Variants in SUGCT observed in about 807,000 individuals in gnomAD.
The protein encoded by SUGCT is succinyl-CoA:glutarate CoA-transferase.
SUGCT carries 41 observed loss-of-function variants against 55.0 expected under a neutral mutation model. The ratio of observed to expected loss-of-function variants is 0.74; its 90% CI spans 0.58 to 0.97. SUGCT has a LOEUF of 0.97. Ranked by LOEUF, SUGCT falls within the 50% of genes least tolerant of loss-of-function variation. The pLI is 0.00. For synonymous variants in SUGCT, 187 were observed against 200.4 expected (o/e 0.93, Z 0.56); for missense variants, 568 against 547.8 (o/e 1.04, Z -0.37).
At chr7:40,217,014 C>A (rs577983832) in intron 6 of SUGCT, among the ~76,000 whole-genome samples, 1 of 152,122 alleles carries the variant, frequency 6.6e-6, no homozygotes, top group East Asian at 1.9e-4. Context: ...GCATTTCCCC[C>A]CCCTCAGTCT....
At chr7:40,921,973 C>T in the SUGCT span, among the ~76,000 whole-genome samples, 4 of 152,064 alleles carry the variant, frequency 2.6e-5, no homozygotes, top group South Asian at 2.1e-4. Context: ...GAATATAAAT[C>T]GTAGTGAAGT....
rs768795067 is a variant in SUGCT at position 40,830,363 on chromosome 7, CT to C, written c.1154-29952del. ...AACAGACCATTGGTCCTGCCCTCCCCTGTCCATGCCCCGTGCCCATACTTTT... is the reference window on the plus strand; with the variant it reads ...AACAGACCATTGGTCCTGCCCTCCCCGTCCATGCCCCGTGCCCATACTTTT... On this transcript the variant is annotated intron_variant, in intron 13 of 13. Coordinates refer to ENST00000335693, the MANE Select transcript of SUGCT (RefSeq NM_001193313.2). Among the ~76,000 whole-genome samples, 188 of 152,342 alleles carry C rather than the reference CT, an allele frequency of 1.2e-3. 1 individual carries two copies. Among genetic ancestry groups the C allele is most frequent in the Middle Eastern group, 3.4e-3 (1 of 294 alleles).
chr7:40,873,067 C>A, the SUGCT span, among the ~76,000 whole-genome samples: 3 of 152,158 alleles, frequency 2.0e-5, no homozygotes, highest in Admixed American at 6.5e-5. Context: ...ACCTGCGGAT[C>A]TAGAAGTCAT....
intron 13 of SUGCT, among the ~76,000 whole-genome samples, chr7:40,845,868 C>A (rs1027788006): frequency 6.6e-6 from 1 of 152,176 alleles, no homozygotes; most frequent in Admixed American, 6.5e-5. Flanking sequence ...AAGACTAATT[C>A]TTTTACTATA....
At chr7:40,534,798 A>G (rs1343363296) in intron 12 of SUGCT, among the ~76,000 whole-genome samples, 1 of 152,214 alleles carries the variant, frequency 6.6e-6, no homozygotes, top group African/African-American at 2.4e-5. Context: ...TACTTATGCC[A>G]TTATAATGGT....
At chr7:40,535,833 G>A (rs1794333045) in intron 12 of SUGCT, among the ~76,000 whole-genome samples, 2 of 152,064 alleles carry the variant, frequency 1.3e-5, no homozygotes, top group Admixed American at 6.5e-5. Flanking sequence ...CACTGCATCT[G>A]GCCTTTTGAC....
At chr7:40,504,805 T>C (rs1792497579) in intron 12 of SUGCT, among the ~76,000 whole-genome samples, 1 of 152,192 alleles carries the variant, frequency 6.6e-6, no homozygotes, top group South Asian at 2.1e-4. Context: ...TCAATTAATC[T>C]TGCTCAAAAT....
chr7:40,216,624 G>A (rs1367046309), intron 6 of SUGCT, among the ~76,000 whole-genome samples: 1 of 151,796 alleles, frequency 6.6e-6, no homozygotes. Flanking sequence ...AGCCAAGGTG[G>A]GTGGATCACC....
intron 8 of SUGCT, among the ~76,000 whole-genome samples, chr7:40,293,681 T>G (rs578170519): frequency 1.3e-5 from 2 of 152,314 alleles, no homozygotes; most frequent in South Asian, 4.1e-4. Flanking sequence ...GGTTACAATT[T>G]AAAAAGAAAG....
intron 1 of SUGCT, among the ~76,000 whole-genome samples, chr7:40,164,440 G>A (rs897078493): frequency 2.6e-5 from 4 of 152,000 alleles, no homozygotes; most frequent in African/African-American, 9.7e-5. Flanking sequence ...AATTGTTTAT[G>A]TAAAGAGAAA....
intron 13 of SUGCT, among the ~76,000 whole-genome samples, chr7:40,829,160 G>C (rs1315271766): frequency 6.6e-6 from 1 of 152,100 alleles, no homozygotes; most frequent in Non-Finnish European, 1.5e-5. Context: ...ATGGTTCCAG[G>C]AACTCCCCCA....
At chr7:40,385,066 C>T (rs1332933836) in intron 9 of SUGCT, among the ~76,000 whole-genome samples, 3 of 152,074 alleles carry the variant, frequency 2.0e-5, no homozygotes, top group South Asian at 4.2e-4. Context: ...AAAGGCGAGA[C>T]GATTGTCAAT....
the SUGCT span, among the ~76,000 whole-genome samples, chr7:40,946,486 G>T: frequency 6.6e-6 from 1 of 152,190 alleles, no homozygotes; most frequent in East Asian, 1.9e-4. Flanking sequence ...AGCAAAGGGA[G>T]TGGGGAGTAG....
At chr7:40,994,512 G>A in the SUGCT span, among the ~76,000 whole-genome samples, 215 of 152,274 alleles carry the variant, frequency 1.4e-3, 4 homozygotes, top group Non-Finnish European at 1.9e-4. Context: ...CACATGCTGT[G>A]CATCAGTTTC....
intron 7 of SUGCT, among the ~76,000 whole-genome samples, chr7:40,247,016 A>G (rs1789929763): frequency 1.3e-5 from 2 of 152,220 alleles, no homozygotes; most frequent in Non-Finnish European, 2.9e-5. Flanking sequence ...CTATTGATCA[A>G]CATTTGAGTT....
chr7:40,753,444 T>C (rs1294208916), intron 13 of SUGCT, among the ~76,000 whole-genome samples: 1 of 152,246 alleles, frequency 6.6e-6, no homozygotes, highest in African/African-American at 2.4e-5. Context: ...TCTATAGATT[T>C]ACACATACAT....
At chr7:40,998,201 G>A in the SUGCT span, among the ~76,000 whole-genome samples, 14 of 152,176 alleles carry the variant, frequency 9.2e-5, no homozygotes, top group East Asian at 2.7e-3. Context: ...ACCCCCGTTT[G>A]TACTAAAAAT....
intron 12 of SUGCT, among the ~76,000 whole-genome samples, chr7:40,642,240 A>G (rs1800300471): frequency 6.6e-6 from 1 of 152,232 alleles, no homozygotes; most frequent in Admixed American, 6.5e-5. Context: ...AAATGTTTTT[A>G]TATACTTTCG....
rs1474911606 is a variant in SUGCT, at chr7:40,315,919, T to G, written c.721-841T>G. Among the ~76,000 whole-genome samples, 3 of 152,310 alleles carry G rather than the reference T, an allele frequency of 2.0e-5. No individual in the cohort carries two copies. In the East Asian group the frequency reaches 5.8e-4, roughly 29 times the overall value. On this transcript the variant is annotated intron_variant, in intron 8 of 13. Coordinates refer to ENST00000335693, the MANE Select transcript of SUGCT (RefSeq NM_001193313.2). ...CATAAATATTCATTGGAACATAAGA[T>G]CCTTGTGGCAGATCACCAGGAATCA...
Sources: allele counts gnomAD v4.1 joint callset (sites outside exome capture counted in the v4.1 genomes callset), GRCh38; gene constraint gnomAD v4.1.1; transcripts MANE v1.5; gene names NCBI Gene and HGNC (gene_info 2026-07-23, HGNC 2026-07-21).